SLC37A1: variants seen among roughly 807,000 people sequenced by gnomAD.
The protein encoded by SLC37A1 is glucose-6-phosphate exchanger SLC37A1.
SLC37A1 carries 49 observed loss-of-function variants against 75.3 expected under a neutral mutation model. That is an observed-to-expected ratio of 0.65 (90% CI 0.52 to 0.83). The LOEUF is 0.83. Ranked by LOEUF, SLC37A1 falls within the 40% of genes least tolerant of loss-of-function variation. The pLI, the probability that SLC37A1 is intolerant of heterozygous loss-of-function variation, is 0.00. For missense variants in SLC37A1, 566 were observed against 695.0 expected (o/e 0.81, Z 2.09); for synonymous variants, 268 against 292.1 (o/e 0.92, Z 0.84).
In SLC37A1 at chr21:42,578,963, C is replaced by T. The variant is rs545657950; in HGVS notation, c.1522-773C>T. 6.6e-5 allele frequency among the ~76,000 whole-genome samples: 10 copies of T among 152,356 alleles called. No homozygotes were observed. The South Asian group carries it at 2.1e-3, about 32-fold the overall frequency. On this transcript the variant is annotated intron_variant, in intron 18 of 19. Coordinates refer to ENST00000352133, the MANE Select transcript of SLC37A1 (RefSeq NM_001320537.2). ...ACCCTGGGTCTGAGGGCATCTGCTGCCCTCTAAGAACGAGGGGCCACGTCC... is the reference window on the plus strand; with the variant it reads ...ACCCTGGGTCTGAGGGCATCTGCTGTCCTCTAAGAACGAGGGGCCACGTCC...
At chr21:42,530,654 A>ACACACACACACACACACACCCCC (rs1161313598) in intron 3 of SLC37A1, among the ~76,000 whole-genome samples, 1 of 35,880 alleles carries the variant, frequency 2.8e-5, no homozygotes, top group South Asian at 7.6e-4. Context: ...ACACACACAC[A>ACACACACACACACACACACCCCC]CCCCCTCTGT....
chr21:42,569,503 G>A (rs62212972), intron 17 of SLC37A1, among the ~76,000 whole-genome samples: 454 of 18,514 alleles, frequency 0.025, 10 homozygotes, highest in African/African-American at 0.19. Context: ...GCACTCCCTC[G>A]TGCCGCACTC....
intron 17 of SLC37A1, among the ~76,000 whole-genome samples, chr21:42,573,348 CCT>C (rs1313186383): frequency 3.3e-5 from 5 of 152,190 alleles, no homozygotes; most frequent in Non-Finnish European, 7.3e-5. Context: ...CTTCCCCTCC[CCT>C]GTCTCTTGGG....
chr21:42,516,807 G>A (rs1045155941), intron 1 of SLC37A1, among the ~76,000 whole-genome samples: 13 of 152,196 alleles, frequency 8.5e-5, no homozygotes, highest in African/African-American at 3.1e-4. Context: ...TGGAGAAGCA[G>A]CACTTGAGAG....
At chr21:42,509,723 C>T (rs559201197), upstream of SLC37A1, 7 of 152,294 alleles carry the variant, frequency 4.6e-5, no homozygotes, top group African/African-American at 1.4e-4. The surrounding 1 kb of genome is among the most constrained non-coding windows in gnomAD (Gnocchi z 4.2). Flanking sequence ...CACCCTTCCT[C>T]GCCAGTCAGT....
chr21:42,523,427 C>G (rs2054701504), intron 2 of SLC37A1, among the ~76,000 whole-genome samples: 1 of 152,216 alleles, frequency 6.6e-6, no homozygotes, highest in Non-Finnish European at 1.5e-5. Context: ...CATTGAGGGC[C>G]GGTGAAGCCC....
At chr21:42,549,090 A>G (rs2055493753) in intron 9 of SLC37A1, among the ~76,000 whole-genome samples, 1 of 152,164 alleles carries the variant, frequency 6.6e-6, no homozygotes, top group Non-Finnish European at 1.5e-5. Flanking sequence ...CTGAGCATGA[A>G]TTTCAGTTTC....
At chr21:42,560,007 C>T (rs2055789137) in intron 11 of SLC37A1, among the ~76,000 whole-genome samples, 1 of 151,900 alleles carries the variant, frequency 6.6e-6, no homozygotes, top group African/African-American at 2.4e-5. Context: ...GTAGCACAGG[C>T]GGGAGAAGCC....
intron 2 of SLC37A1, among the ~76,000 whole-genome samples, 158 bp downstream of exon 2, chr21:42,518,668 G>A (rs1464293548): frequency 1.3e-5 from 2 of 152,170 alleles, no homozygotes; most frequent in African/African-American, 4.8e-5. Flanking sequence ...GGTGGAAGCC[G>A]TGACCCAGAA....
chr21:42,511,848 T>C (rs1002883342), upstream of SLC37A1, among the ~76,000 whole-genome samples: 2 of 152,094 alleles, frequency 1.3e-5, no homozygotes, highest in African/African-American at 4.8e-5. Flanking sequence ...CACTTATTTT[T>C]GGAATCTGAA....
chr21:42,515,838 A>T (rs916456254), intron 1 of SLC37A1, among the ~76,000 whole-genome samples: 4 of 152,106 alleles, frequency 2.6e-5, no homozygotes, highest in Non-Finnish European at 5.9e-5. Flanking sequence ...AGCTCACTGC[A>T]ACCTCCGCTT....
At chr21:42,516,846 C>T (rs1198986052) in intron 1 of SLC37A1, among the ~76,000 whole-genome samples, 1 of 152,198 alleles carries the variant, frequency 6.6e-6, no homozygotes, top group Non-Finnish European at 1.5e-5. Context: ...CCATCCGTTT[C>T]CAGACACTGT....
chr21:42,579,702 A>T (rs1304388320), intron 18 of SLC37A1, 34 bp from the exon 19 acceptor site: 1 of 1,613,580 alleles, frequency 6.2e-7, no homozygotes, highest in East Asian at 2.2e-5. Context: ...TGCCTGCTCC[A>T]GTAACAGGTG....
chr21:42,551,890 T>C (rs1217391730), intron 9 of SLC37A1, among the ~76,000 whole-genome samples: 1 of 152,052 alleles, frequency 6.6e-6, no homozygotes, highest in Non-Finnish European at 1.5e-5. Flanking sequence ...TAAAAAATGG[T>C]CATTTTTTCT....
rs1037111746 is a variant in SLC37A1, at chr21:42,543,432, G to T, written c.564-4G>T. Reference sequence around the variant, plus strand: ...CTTCTGTCTTCTGTTTTGTTGTGCTGCAGGAGAGGTTTGATTATGGGGGTC... The same window carrying T: ...CTTCTGTCTTCTGTTTTGTTGTGCTTCAGGAGAGGTTTGATTATGGGGGTC... On this transcript the variant is annotated splice_region_variant and splice_polypyrimidine_tract_variant and intron_variant, in intron 7 of 19. Coordinates refer to ENST00000352133, the MANE Select transcript of SLC37A1 (RefSeq NM_001320537.2). 6.2e-7 allele frequency: 1 copy of T among 1,614,010 alleles called. No homozygotes were observed. The highest frequency in any genetic ancestry group is 1.3e-5 in the African/African-American group (1 of 74,920).
chr21:42,534,679 C>A lies in SLC37A1; in HGVS notation c.139-19C>A. On this transcript the variant is annotated intron_variant, in intron 3 of 19. Coordinates refer to ENST00000352133, the MANE Select transcript of SLC37A1 (RefSeq NM_001320537.2). ...AGGGCACTTCCTCTCCCTGCTTCTGCCCTCCCATCACGTCCCAGGGTGAGC... is the reference window on the plus strand; with the variant it reads ...AGGGCACTTCCTCTCCCTGCTTCTGACCTCCCATCACGTCCCAGGGTGAGC... 6.2e-7 allele frequency: 1 copy of A among 1,602,034 alleles called. No individual in the cohort carries two copies. The highest frequency in any genetic ancestry group is 8.5e-7 in the Non-Finnish European group (1 of 1,171,562).
In SLC37A1 at chr21:42,579,818, C is replaced by T; in HGVS notation, c.1586+18C>T. 1 of 1,613,614 alleles carries T rather than the reference C, an allele frequency of 6.2e-7. No individual in the cohort carries two copies. Among genetic ancestry groups the T allele is most frequent in the Non-Finnish European group, 8.5e-7 (1 of 1,179,752 alleles). ...CAAGTTCCGTAAGTCCCACTCGGGC[C>T]CTGTCTCCGTGCGTGAAAGCCGGCT... On this transcript the variant is annotated intron_variant, in intron 19 of 19. Coordinates refer to ENST00000352133, the MANE Select transcript of SLC37A1 (RefSeq NM_001320537.2).
At chr21:42,574,789 A>C in intron 17 of SLC37A1, 29 bp from the exon 18 acceptor site, 1 of 1,612,470 alleles carries the variant, frequency 6.2e-7, no homozygotes, top group Non-Finnish European at 8.5e-7. Context: ...TCTAAACAGC[A>C]CCATGTGTGT....
intron 9 of SLC37A1, among the ~76,000 whole-genome samples, chr21:42,551,854 T>C (rs1001490116): frequency 6.6e-6 from 1 of 152,186 alleles, no homozygotes; most frequent in African/African-American, 2.4e-5. Flanking sequence ...TTGGTGTTAT[T>C]CTCCTTTGAA....
Sources: gnomAD v4.1 joint callset for allele counts (sites outside exome capture counted in the v4.1 genomes callset) on GRCh38, gnomAD v4.1.1 for gene constraint, Gnocchi (gnomAD v3.1) non-coding constraint, MANE v1.5 for transcripts, NCBI Gene and HGNC (gene_info 2026-07-23, HGNC 2026-07-21) for gene names.